Variants in TMEM74 observed in about 807,000 individuals in gnomAD.
TMEM74 encodes transmembrane protein 74.
TMEM74 carries 13 observed loss-of-function variants against 18.1 expected under a neutral mutation model. The ratio of observed to expected loss-of-function variants is 0.72; its 90% CI spans 0.47 to 1.14. TMEM74 has a LOEUF of 1.14. Among genes scored for constraint, TMEM74 ranks in the 50% most tolerant of loss-of-function variants. TMEM74 has a pLI of 0.00. For missense variants in TMEM74, 372 were observed against 375.9 expected (o/e 0.99, Z 0.09); for synonymous variants, 159 against 146.6 (o/e 1.08, Z -0.61).
chr8:108,699,084 C>A (rs923340435), intron 1 of TMEM74, among the ~76,000 whole-genome samples: 2 of 151,652 alleles, frequency 1.3e-5, no homozygotes, highest in Non-Finnish European at 2.9e-5. Context: ...TTTCTGGGAA[C>A]TACCATCATT....
At chr8:108,641,612 A>G (rs1051298610) in intron 2 of TMEM74, among the ~76,000 whole-genome samples, 14 of 152,072 alleles carry the variant, frequency 9.2e-5, no homozygotes, top group Non-Finnish European at 1.5e-5. Context: ...CTTCTGTTGT[A>G]CTCTTCAACA....
chr8:108,715,659 A>G (rs1813516170), intron 1 of TMEM74, among the ~76,000 whole-genome samples: 1 of 152,202 alleles, frequency 6.6e-6, no homozygotes, highest in African/African-American at 2.4e-5. Context: ...GCGAATGCAC[A>G]CTTTCTATAT....
intron 2 of TMEM74, among the ~76,000 whole-genome samples, chr8:108,647,311 C>G (rs1812729751): frequency 6.6e-6 from 1 of 151,988 alleles, no homozygotes; most frequent in African/African-American, 2.4e-5. Flanking sequence ...CAGATGAAGA[C>G]AGCCTTAGAG....
Position 108,785,375 on chromosome 8 carries a change from G to A in TMEM74, c.-39-238C>T, listed in dbSNP as rs183425912. Among the ~76,000 whole-genome samples the A allele has an allele frequency of 5.6e-4, 86 of 152,318 alleles. 1 individual carries two copies. The highest frequency in any genetic ancestry group is 3.4e-3 in the Middle Eastern group (1 of 294). Reference sequence around the variant, plus strand: ...AACTTAAGTCAGGGTAGAAAGGTGCGTGGAGGAAGTGGCAGTGTCTACTGA... The same window carrying A: ...AACTTAAGTCAGGGTAGAAAGGTGCATGGAGGAAGTGGCAGTGTCTACTGA... On this transcript the variant is annotated intron_variant, in intron 1 of 1. Transcript: ENST00000297459.
intron 1 of TMEM74, among the ~76,000 whole-genome samples, chr8:108,769,760 T>A (rs889265850): frequency 3.9e-5 from 6 of 152,176 alleles, no homozygotes; most frequent in East Asian, 3.9e-4. Context: ...ATATATATAT[T>A]TTTTTAATTC....
At chr8:108,777,228 C>T (rs1465181501), downstream of TMEM74, among the ~76,000 whole-genome samples, 4 of 152,240 alleles carry the variant, frequency 2.6e-5, no homozygotes, top group East Asian at 1.9e-4. Flanking sequence ...TATTATTCGA[C>T]GTGTTGTGGA....
At chr8:108,687,821 A>T (rs1173609384) in intron 1 of TMEM74, among the ~76,000 whole-genome samples, 1 of 152,106 alleles carries the variant, frequency 6.6e-6, no homozygotes, top group Non-Finnish European at 1.5e-5. Context: ...GTGGCTGTAT[A>T]TACAGATGAA....
chr8:108,665,820 A>T (rs1586253111), intron 1 of TMEM74, among the ~76,000 whole-genome samples: 1 of 152,234 alleles, frequency 6.6e-6, no homozygotes, highest in East Asian at 1.9e-4. Context: ...GTACAAAGAG[A>T]TGGAGAAGTT....
intron 1 of TMEM74, among the ~76,000 whole-genome samples, chr8:108,680,143 G>T (rs1586258324): frequency 6.6e-6 from 1 of 152,180 alleles, no homozygotes. Context: ...AGAAAAAGAG[G>T]GAATCCTCCC....
At chr8:108,681,332 G>T (rs1436477105) in intron 1 of TMEM74, among the ~76,000 whole-genome samples, 1 of 152,040 alleles carries the variant, frequency 6.6e-6, no homozygotes, top group Non-Finnish European at 1.5e-5. Context: ...TAGATCAATG[G>T]AACAGAACAG....
intron 1 of TMEM74, among the ~76,000 whole-genome samples, chr8:108,760,178 G>C (rs1814026727): frequency 6.6e-6 from 1 of 151,380 alleles, no homozygotes; most frequent in Non-Finnish European, 1.5e-5. Flanking sequence ...GAGAGAGGGA[G>C]AGAGAGAGGG....
intron 2 of TMEM74, among the ~76,000 whole-genome samples, chr8:108,629,581 C>T (rs902980608): frequency 1.1e-4 from 16 of 151,840 alleles, no homozygotes; most frequent in South Asian, 4.2e-4. Flanking sequence ...GGGCAGCCAG[C>T]GAGAAAGGTC....
intron 1 of TMEM74, among the ~76,000 whole-genome samples, chr8:108,677,597 C>T (rs1813066667): frequency 6.7e-6 from 1 of 149,926 alleles, no homozygotes; most frequent in Middle Eastern, 3.4e-3. Flanking sequence ...GAAAAGATGA[C>T]TTTTTTCCAG....
Position 108,724,642 on chromosome 8 carries a change from A to T in TMEM74, n.119+62834T>A, listed in dbSNP as rs1397584056. The stretch of plus-strand genomic sequence containing the variant: ...TTCATTTATTAAAATGAGTTTATTG[A>T]TATTTTAGGCAAAAGCAGAACAAGT... On this transcript the variant is annotated intron_variant and non_coding_transcript_variant, in intron 1 of 3. Transcript: ENST00000518838. Among the ~76,000 whole-genome samples, 2 of 152,178 alleles carry T rather than the reference A, an allele frequency of 1.3e-5. 1 individual carries two copies. The highest frequency in any genetic ancestry group is 3.8e-4 in the East Asian group (2 of 5,196).
chr8:108,664,025 G>A (rs1812925953), intron 1 of TMEM74, among the ~76,000 whole-genome samples: 1 of 152,132 alleles, frequency 6.6e-6, no homozygotes, highest in Admixed American at 6.6e-5. Flanking sequence ...ATATCTGGGT[G>A]ATGGGTTGAT....
chr8:108,780,101 A>C lies in TMEM74; in HGVS notation c.*4080T>G, dbSNP rs373834287. 2.0e-3 allele frequency among the ~76,000 whole-genome samples: 300 copies of C among 152,338 alleles called. No homozygotes were observed. Among genetic ancestry groups the C allele is most frequent in the African/African-American group, 6.9e-3 (288 of 41,582 alleles). On this transcript the variant is annotated 3_prime_UTR_variant, in exon 2 of 2. Coordinates refer to ENST00000297459, the MANE Select transcript of TMEM74 (RefSeq NM_153015.3). The stretch of plus-strand genomic sequence containing the variant: ...CATTCTTTATGTCCAATTCTGGGAA[A>C]GGTTAAACCCATTACAGAGAACAGT...
At chr8:108,675,542 A>G (rs563253083) in intron 1 of TMEM74, among the ~76,000 whole-genome samples, 2 of 152,234 alleles carry the variant, frequency 1.3e-5, no homozygotes, top group East Asian at 1.9e-4. Flanking sequence ...AAAGTGCTCA[A>G]ATGAATGTTG....
At chr8:108,611,109 T>C (rs1442197632) in intron 2 of TMEM74, among the ~76,000 whole-genome samples, 1 of 152,220 alleles carries the variant, frequency 6.6e-6, no homozygotes, top group East Asian at 1.9e-4. Flanking sequence ...CAGTCAATAT[T>C]TGCCTCAATT....
intron 1 of TMEM74, among the ~76,000 whole-genome samples, chr8:108,705,203 G>C (rs1813385272): frequency 6.6e-6 from 1 of 152,158 alleles, no homozygotes; most frequent in Admixed American, 6.5e-5. Flanking sequence ...TCTATAGGGT[G>C]TCTAATAAAG....
Sources: gnomAD v4.1 joint callset for allele counts (sites outside exome capture counted in the v4.1 genomes callset) on GRCh38, gnomAD v4.1.1 for gene constraint, MANE v1.5 for transcripts, NCBI Gene and HGNC (gene_info 2026-07-23, HGNC 2026-07-21) for gene names.